Variants in PLGRKT observed in about 807,000 individuals in gnomAD.
The protein encoded by PLGRKT is plasminogen receptor (KT).
In PLGRKT, 22 loss-of-function variants were observed where a neutral mutation model predicts 18.5. The observed-to-expected ratio is 1.19, with a 90% CI of 0.85 to 1.70. PLGRKT has a LOEUF of 1.70. PLGRKT is among the 40% of genes most tolerant of loss of function. The pLI, the probability that PLGRKT is intolerant of heterozygous loss-of-function variation, is 0.00. For missense variants in PLGRKT, 235 were observed against 174.4 expected, an observed-to-expected ratio of 1.35 and a Z score of -1.96; for synonymous variants, 72 against 52.8, an observed-to-expected ratio of 1.36 and a Z score of -1.58.
intron 3 of PLGRKT, among the ~76,000 whole-genome samples, chr9:5,377,061 A>T (rs1371399600): frequency 1.3e-5 from 2 of 152,202 alleles, no homozygotes; most frequent in African/African-American, 4.8e-5. Flanking sequence ...GAAGTTAGAG[A>T]TCTGTTTCCC....
chr9:5,431,650 T>G (rs992483893), intron 3 of PLGRKT, among the ~76,000 whole-genome samples: 3 of 152,156 alleles, frequency 2.0e-5, no homozygotes, highest in South Asian at 2.1e-4. Context: ...CATTATTCTA[T>G]GTACCACATA....
intron 3 of PLGRKT, among the ~76,000 whole-genome samples, chr9:5,366,289 A>G (rs1416571007): frequency 6.6e-6 from 1 of 152,186 alleles, no homozygotes; most frequent in Non-Finnish European, 1.5e-5. Context: ...AAAAACAACA[A>G]ATAAAAGCAA....
intron 3 of PLGRKT, among the ~76,000 whole-genome samples, chr9:5,417,889 T>C (rs1356071402): frequency 1.3e-5 from 2 of 151,888 alleles, no homozygotes; most frequent in Non-Finnish European, 2.9e-5. Context: ...GAAGACTGAG[T>C]TTCAAGGAAA....
At chr9:5,413,575 G>C (rs182789520) in intron 3 of PLGRKT, among the ~76,000 whole-genome samples, 1 of 152,208 alleles carries the variant, frequency 6.6e-6, no homozygotes, top group Admixed American at 6.5e-5. Context: ...AAGGGCCCAT[G>C]AGCCAAGGAA....
At chr9:5,380,018 G>A (rs1307039511) in intron 3 of PLGRKT, among the ~76,000 whole-genome samples, 1 of 152,192 alleles carries the variant, frequency 6.6e-6, no homozygotes, top group African/African-American at 2.4e-5. Flanking sequence ...CTACCAGTAA[G>A]AGAATGATTA....
intron 3 of PLGRKT, among the ~76,000 whole-genome samples, chr9:5,395,944 C>T (rs960380017): frequency 1.4e-5 from 2 of 141,608 alleles, no homozygotes; most frequent in Admixed American, 1.5e-4. Flanking sequence ...CCCAGACTGG[C>T]GTGAGGTGGC....
At chr9:5,364,090 A>C (rs1364649472) in intron 3 of PLGRKT, among the ~76,000 whole-genome samples, 2 of 152,190 alleles carry the variant, frequency 1.3e-5, no homozygotes, top group African/African-American at 4.8e-5. Flanking sequence ...ACTGGTTCTA[A>C]ACCTTTGCTG....
intron 2 of PLGRKT, among the ~76,000 whole-genome samples, chr9:5,433,288 GTC>G (rs750355041): frequency 4.6e-4 from 70 of 150,680 alleles, no homozygotes; most frequent in Non-Finnish European, 9.9e-4. Context: ...AGTAAGGAGT[GTC>G]TCTGCCTGAC....
At chr9:5,363,301 C>T (rs908902122) in intron 3 of PLGRKT, among the ~76,000 whole-genome samples, 1 of 151,936 alleles carries the variant, frequency 6.6e-6, no homozygotes, top group Non-Finnish European at 1.5e-5. Context: ...TCCAGGCTGG[C>T]GTAACCATCA....
chr9:5,423,982 T>C (rs1467105874), intron 3 of PLGRKT, among the ~76,000 whole-genome samples: 1 of 140,198 alleles, frequency 7.1e-6, no homozygotes, highest in Non-Finnish European at 1.5e-5. Flanking sequence ...ACAATATATG[T>C]AATATGTAAT....
chr9:5,392,448 A>C (rs1817967691), intron 3 of PLGRKT: 1 of 151,950 alleles, frequency 6.6e-6, no homozygotes, highest in Non-Finnish European at 1.5e-5. Context: ...GTTATTCATA[A>C]AGCAAATTGC....
At chr9:5,383,262 C>T (rs111699890) in intron 3 of PLGRKT, among the ~76,000 whole-genome samples, 17 of 152,234 alleles carry the variant, frequency 1.1e-4, no homozygotes, top group African/African-American at 4.1e-4. Flanking sequence ...GCTGACACAC[C>T]TCGATTCAGA....
At chr9:5,428,828 A>G (rs1317161252) in intron 3 of PLGRKT, among the ~76,000 whole-genome samples, 1 of 152,120 alleles carries the variant, frequency 6.6e-6, no homozygotes. Context: ...CGTCCTGTGT[A>G]GCTGGGACTA....
intron 3 of PLGRKT, among the ~76,000 whole-genome samples, chr9:5,380,271 A>T (rs1429656047): frequency 6.6e-6 from 1 of 151,832 alleles, no homozygotes; most frequent in Non-Finnish European, 1.5e-5. Flanking sequence ...AGGCTGAGGC[A>T]GCAGAATGGT....
chr9:5,380,572 G>T (rs1817722975), intron 3 of PLGRKT, among the ~76,000 whole-genome samples: 2 of 151,948 alleles, frequency 1.3e-5, no homozygotes, highest in African/African-American at 4.8e-5. Flanking sequence ...AACTCCAAGT[G>T]CTTCACCCCC....
intron 2 of PLGRKT, among the ~76,000 whole-genome samples, chr9:5,433,670 T>C (rs1463356170): frequency 1.4e-3 from 118 of 83,882 alleles, no homozygotes; most frequent in Admixed American, 2.4e-3. Context: ...ATGTGAGGAG[T>C]GCCTCTGCCC....
rs187568351 is a variant in PLGRKT, at chr9:5,379,735, T to G, written c.82-17847A>C. The stretch of plus-strand genomic sequence containing the variant: ...AAATTTAAACAACAAACATCTCATT[T>G]TTGAGTCTCATATAGATAAAAATTG... On this transcript the variant is annotated intron_variant, in intron 3 of 5. Transcript: ENST00000223864. Among the ~76,000 whole-genome samples, 280 of 152,334 alleles carry G rather than the reference T, an allele frequency of 1.8e-3. 1 individual carries two copies. The highest frequency in any genetic ancestry group is 6.3e-3 in the African/African-American group (261 of 41,582).
chr9:5,383,326 C>T (rs1184655168), intron 3 of PLGRKT, among the ~76,000 whole-genome samples: 1 of 152,162 alleles, frequency 6.6e-6, no homozygotes, highest in Non-Finnish European at 1.5e-5. Flanking sequence ...AAAACTAGCA[C>T]ACTTGTTGAG....
intron 3 of PLGRKT, among the ~76,000 whole-genome samples, chr9:5,386,284 T>G (rs1483902763): frequency 1.3e-5 from 2 of 151,800 alleles, no homozygotes; most frequent in East Asian, 3.9e-4. Context: ...CCAGCAGTGG[T>G]CAAGAACTTA....
Sources: allele counts gnomAD v4.1 joint callset (sites outside exome capture counted in the v4.1 genomes callset), GRCh38; gene constraint gnomAD v4.1.1; transcripts MANE v1.5; gene names NCBI Gene and HGNC (gene_info 2026-07-23, HGNC 2026-07-21).